Variants in CD109 observed in about 807,000 individuals in gnomAD.
CD109 encodes CD109 molecule.
In CD109, 149 loss-of-function variants were observed where a neutral mutation model predicts 165.8. The ratio of observed to expected loss-of-function variants is 0.90; its 90% CI spans 0.79 to 1.03. The LOEUF (loss-of-function observed/expected upper bound fraction) is 1.03. CD109 is among the 50% of genes least tolerant of loss of function. The pLI is 0.00. For missense variants in CD109, 1,712 were observed against 1,677.8 expected, an observed-to-expected ratio of 1.02 and a Z score of -0.36; for synonymous variants, 585 against 592.1, an observed-to-expected ratio of 0.99 and a Z score of 0.18.
chr6:73,706,235 A>G (rs1231672600), intron 2 of CD109, among the ~76,000 whole-genome samples: 1 of 152,196 alleles, frequency 6.6e-6, no homozygotes, highest in Non-Finnish European at 1.5e-5. Context: ...AAATGGGGGT[A>G]AAAGTTAAAA....
At chr6:73,808,991 T>C (rs1250488213) in intron 26 of CD109, among the ~76,000 whole-genome samples, 1 of 152,168 alleles carries the variant, frequency 6.6e-6, no homozygotes, top group Non-Finnish European at 1.5e-5. Flanking sequence ...GTAACTTAGA[T>C]TGAATCCTTG....
chr6:73,763,909 T>G (rs536707724), intron 10 of CD109, among the ~76,000 whole-genome samples: 28 of 149,822 alleles, frequency 1.9e-4, no homozygotes, highest in Non-Finnish European at 3.0e-5. Flanking sequence ...TGAAAATGTA[T>G]TTTTTTTTAC....
intron 2 of CD109, among the ~76,000 whole-genome samples, chr6:73,710,334 C>T (rs1325461350): frequency 4.6e-5 from 7 of 152,090 alleles, no homozygotes; most frequent in Non-Finnish European, 7.4e-5. Context: ...AGTGAACTCC[C>T]ATTCACAATT....
chr6:73,822,777 A>G (rs1375706787), intron 32 of CD109, among the ~76,000 whole-genome samples: 1 of 152,214 alleles, frequency 6.6e-6, no homozygotes, highest in Non-Finnish European at 1.5e-5. Flanking sequence ...CTTCCAACCC[A>G]TTTTAAAAAA....
intron 23 of CD109, among the ~76,000 whole-genome samples, chr6:73,794,716 G>A (rs1280195113): frequency 6.6e-6 from 1 of 152,100 alleles, no homozygotes; most frequent in Non-Finnish European, 1.5e-5. Flanking sequence ...GAAGGACATA[G>A]TGGTATATTT....
At chr6:73,729,491 G>GTTGTTA (rs780373091) in intron 3 of CD109, among the ~76,000 whole-genome samples, 37 of 142,046 alleles carry the variant, frequency 2.6e-4, no homozygotes, top group South Asian at 4.5e-4. Context: ...GACTTCTATT[G>GTTGTTA]TTATTATTAT....
chr6:73,706,861 A>T (rs1771285587), intron 2 of CD109, among the ~76,000 whole-genome samples: 1 of 152,256 alleles, frequency 6.6e-6, no homozygotes, highest in African/African-American at 2.4e-5. Flanking sequence ...TTATGAAAAT[A>T]TAGCTGGCAG....
intron 3 of CD109, among the ~76,000 whole-genome samples, chr6:73,729,491 G>GTTGTTATTATTA (rs780373091): frequency 7.0e-6 from 1 of 142,040 alleles, no homozygotes; most frequent in Non-Finnish European, 1.5e-5. Context: ...GACTTCTATT[G>GTTGTTATTATTA]TTATTATTAT....
chr6:73,685,153 C>G, the CD109 span, among the ~76,000 whole-genome samples: 1 of 152,104 alleles, frequency 6.6e-6, no homozygotes, highest in Non-Finnish European at 1.5e-5. Flanking sequence ...CCACCCGCCT[C>G]AGCCTCCCAA....
intron 20 of CD109, among the ~76,000 whole-genome samples, chr6:73,786,210 C>T (rs913929497): frequency 6.6e-6 from 1 of 152,068 alleles, no homozygotes; most frequent in Non-Finnish European, 1.5e-5. Context: ...CTTGTATCTC[C>T]TTAGCTAGTC....
rs1213955306 is a variant in CD109, at chr6:73,764,833, AC to A, written c.1108-1096del. ...CTCCATTTCAAAAAAAAAAAAAAAAACAACTAAAACGACAAAGAAAGAATGG... is the reference window on the plus strand; with the variant it reads ...CTCCATTTCAAAAAAAAAAAAAAAAAAACTAAAACGACAAAGAAAGAATGG... On this transcript the variant is annotated intron_variant, in intron 10 of 32. Transcript: ENST00000287097. 2.6e-3 allele frequency among the ~76,000 whole-genome samples: 394 copies of A among 151,338 alleles called. 1 individual carries two copies. Among genetic ancestry groups the A allele is most frequent in the African/African-American group, 8.9e-3 (366 of 41,112 alleles).
intron 7 of CD109, among the ~76,000 whole-genome samples, chr6:73,762,065 C>T (rs992129315): frequency 6.6e-6 from 1 of 152,030 alleles, no homozygotes. Flanking sequence ...TGGGTTCAAG[C>T]AGTTCTCCTG....
intron 15 of CD109, among the ~76,000 whole-genome samples, chr6:73,777,966 A>T (rs61474106): frequency 0.033 from 4,975 of 152,254 alleles, 284 homozygotes; most frequent in African/African-American, 0.11. Flanking sequence ...GTAGTTTAAT[A>T]GGAATAGCAT....
Position 73,697,481 on chromosome 6 carries a change from C to T in CD109, c.156C>T (p.Cys52=). 6.2e-7 allele frequency: 1 copy of T among 1,613,920 alleles called. No individual in the cohort carries two copies. The highest frequency in any genetic ancestry group is 8.5e-7 in the Non-Finnish European group (1 of 1,179,822). The change falls in exon 2 of 33, where the codon TGC becomes TGT. Residue 52 remains cysteine (C), a synonymous_variant. Coordinates refer to ENST00000287097, the MANE Select transcript of CD109 (RefSeq NM_133493.5). Reference sequence around the variant, plus strand: ...TTGGGGTGGAGCTTCTGGAACACTGCCCTTCACAGGTGACTGTGAAGGCGG... The same window carrying T: ...TTGGGGTGGAGCTTCTGGAACACTGTCCTTCACAGGTGACTGTGAAGGCGG... ...VTIGVELLEH[C]PSQVTVKAEL...
At chr6:73,716,512 G>A (rs1427241261) in intron 2 of CD109, among the ~76,000 whole-genome samples, 1 of 152,160 alleles carries the variant, frequency 6.6e-6, no homozygotes, top group African/African-American at 2.4e-5. Flanking sequence ...GTTTTGATTT[G>A]CATTTCTCTA....
At chr6:73,709,116 G>A (rs529679877) in intron 2 of CD109, among the ~76,000 whole-genome samples, 1 of 152,230 alleles carries the variant, frequency 6.6e-6, no homozygotes, top group South Asian at 2.1e-4. Context: ...TTTTCTTCTA[G>A]GGTTTTTATG....
At chr6:73,777,592 T>G (rs906040079) in intron 15 of CD109, among the ~76,000 whole-genome samples, 4 of 152,182 alleles carry the variant, frequency 2.6e-5, no homozygotes, top group Admixed American at 2.6e-4. Flanking sequence ...TTTTTGTATA[T>G]GATGTAAGGA....
intron 23 of CD109, among the ~76,000 whole-genome samples, chr6:73,796,238 T>A (rs1775159471): frequency 6.6e-6 from 1 of 152,204 alleles, no homozygotes; most frequent in Admixed American, 6.5e-5. Flanking sequence ...TGCTTGCTTA[T>A]GATCCTGCAG....
chr6:73,696,321 G>C (rs1415828538), intron 1 of CD109, 32 bp downstream of exon 1: 1 of 1,416,132 alleles, frequency 7.1e-7, no homozygotes. Context: ...GGGCGCGCGG[G>C]CGCGCGGGCC....
Sources: gnomAD v4.1 joint callset for allele counts (sites outside exome capture counted in the v4.1 genomes callset) on GRCh38, gnomAD v4.1.1 for gene constraint, MANE v1.5 for transcripts, NCBI Gene and HGNC (gene_info 2026-07-23, HGNC 2026-07-21) for gene names.